The following HOMER2 variants were observed in gnomAD, a reference collection of about 807,000 sequenced individuals.
HOMER2 encodes the protein homer protein homolog 2.
Under a neutral mutation model 47.0 loss-of-function variants are expected in HOMER2, and 27 were observed. That is an observed-to-expected ratio of 0.57 (90% CI 0.42 to 0.79). HOMER2 has a LOEUF of 0.79. Ranked by LOEUF, HOMER2 falls within the 30% of genes least tolerant of loss-of-function variation. The pLI is 0.00. For synonymous variants in HOMER2, 161 were observed against 163.8 expected (o/e 0.98, Z 0.13); for missense variants, 443 against 435.0 (o/e 1.02, Z -0.16).
Position 82,952,575 on chromosome 15 carries a change from C to G in HOMER2, c.-40G>C. On this transcript the variant is annotated 5_prime_UTR_variant, in exon 1 of 9. Coordinates refer to ENST00000450735, the MANE Select transcript of HOMER2 (RefSeq NM_004839.4). ...CGGCGGCCGCTCCGACGGGGCCTCT[C>G]GCGCTCGCTCTCCGCCCGCTCGGCA... The G allele has an allele frequency of 1.7e-6, 2 of 1,161,400 alleles. No homozygotes were observed. The highest frequency in any genetic ancestry group is 2.1e-6 in the Non-Finnish European group (2 of 942,980). The allele number at this position is 1,161,400 out of a possible 1,614,324, so 71.9% of individuals were successfully genotyped here.
chr15:82,936,297 T>C (rs2054142084), intron 1 of HOMER2, among the ~76,000 whole-genome samples: 2 of 152,218 alleles, frequency 1.3e-5, no homozygotes, highest in South Asian at 4.1e-4. Flanking sequence ...TTTTTCCCTC[T>C]GGCACTAAGC....
chr15:82,982,903 T>C (rs1255329629), intron 1 of HOMER2, among the ~76,000 whole-genome samples: 1 of 152,230 alleles, frequency 6.6e-6, no homozygotes, highest in Non-Finnish European at 1.5e-5. Flanking sequence ...TCCTGAGGGA[T>C]AGGCCTTGGT....
chr15:82,894,158 A>C (rs1374647049), intron 1 of HOMER2, among the ~76,000 whole-genome samples: 1 of 152,110 alleles, frequency 6.6e-6, no homozygotes, highest in Non-Finnish European at 1.5e-5. Flanking sequence ...CGATTCACCA[A>C]ATTTGCATAT....
At chr15:82,943,979 G>T (rs766121154) in intron 1 of HOMER2, among the ~76,000 whole-genome samples, 16 of 151,614 alleles carry the variant, frequency 1.1e-4, no homozygotes, top group Non-Finnish European at 1.8e-4. Context: ...CAGGGGTGGG[G>T]ACTCTACCAT....
intron 4 of HOMER2, among the ~76,000 whole-genome samples, chr15:82,860,289 T>G (rs1451345264): frequency 6.6e-6 from 1 of 152,076 alleles, no homozygotes; most frequent in Non-Finnish European, 1.5e-5. Flanking sequence ...TGACAAGCTC[T>G]TAGAGTCCTC....
At chr15:82,911,108 G>A (rs1413039767) in intron 1 of HOMER2, among the ~76,000 whole-genome samples, 1 of 152,172 alleles carries the variant, frequency 6.6e-6, no homozygotes, top group Non-Finnish European at 1.5e-5. Flanking sequence ...CGCCACTGCA[G>A]GGAAGAGAAT....
intron 3 of HOMER2, among the ~76,000 whole-genome samples, chr15:82,868,930 G>A (rs542874506): frequency 2.6e-5 from 4 of 152,146 alleles, no homozygotes; most frequent in Admixed American, 1.3e-4. Flanking sequence ...ACGGAAGACT[G>A]GTTAATGGGC....
chr15:82,847,123 C>T (rs2051262703), downstream of HOMER2: 4 of 152,226 alleles, frequency 2.6e-5, no homozygotes, highest in Non-Finnish European at 4.4e-5. Flanking sequence ...GAGTGAATGG[C>T]TTACATTCTG....
chr15:82,845,812 T>C (rs923007437), downstream of HOMER2: 6 of 152,302 alleles, frequency 3.9e-5, no homozygotes, highest in African/African-American at 1.4e-4. Context: ...TCATCCAAAA[T>C]TGTCCCTGGT....
intron 6 of HOMER2, 111 bp downstream of exon 6, chr15:82,854,533 G>T: frequency 2.7e-6 from 3 of 1,123,866 alleles, no homozygotes; most frequent in Non-Finnish European, 3.8e-6. Flanking sequence ...TCTTCCTCTG[G>T]CCATGGGGAT....
In HOMER2 at chr15:82,864,394, T is replaced by A. The variant is rs1038781803; in HGVS notation, c.295-135A>T. Reference sequence around the variant, plus strand: ...AAATCCAGAAGAATTTTATTTGCTATTAAATGAATATAAGGATGTATATTC... The same window carrying A: ...AAATCCAGAAGAATTTTATTTGCTAATAAATGAATATAAGGATGTATATTC... On this transcript the variant is annotated intron_variant, in intron 3 of 8. Coordinates refer to ENST00000450735, the MANE Select transcript of HOMER2 (RefSeq NM_004839.4). 2.4e-5 allele frequency: 14 copies of A among 583,742 alleles called. No homozygotes were observed. The African/African-American group carries it at 2.6e-4, about 11-fold the overall frequency. The allele number at this position is 583,742 out of a possible 1,614,324, so 36.2% of individuals were successfully genotyped here.
At chr15:82,941,351 C>T (rs2054261216) in intron 1 of HOMER2, among the ~76,000 whole-genome samples, 2 of 144,472 alleles carry the variant, frequency 1.4e-5, no homozygotes, top group African/African-American at 5.1e-5. Context: ...GGCTGAGGCG[C>T]AAGAATCGCT....
At chr15:82,959,676 A>C (rs1236029907) in intron 1 of HOMER2, among the ~76,000 whole-genome samples, 4 of 152,202 alleles carry the variant, frequency 2.6e-5, no homozygotes, top group African/African-American at 9.7e-5. Flanking sequence ...GTGCCCAGGC[A>C]TCGGCAATCC....
At position 82,849,920 on chromosome 15, in the gene HOMER2, G is replaced by A. The variant is rs201705050; in HGVS notation, c.844-17C>T. The A allele has an allele frequency of 1.9e-6, 3 of 1,611,926 alleles. No individual in the cohort carries two copies. Among genetic ancestry groups the A allele is most frequent in the South Asian group, 2.2e-5 (2 of 90,912 alleles). Reference sequence around the variant, plus strand: ...CTCTGCCGCCTGGCCAAGCAAAAGGGAGAAGGGTCTAGAAAACTGAGTGAC... The same window carrying A: ...CTCTGCCGCCTGGCCAAGCAAAAGGAAGAAGGGTCTAGAAAACTGAGTGAC... On this transcript the variant is annotated splice_polypyrimidine_tract_variant and intron_variant, in intron 8 of 8. Transcript: ENST00000450735.
At chr15:82,920,270 C>T (rs2053694918) in intron 1 of HOMER2, among the ~76,000 whole-genome samples, 1 of 152,240 alleles carries the variant, frequency 6.6e-6, no homozygotes, top group South Asian at 2.1e-4. Context: ...AGTCCTTGCA[C>T]ATCAGGAATG....
intron 1 of HOMER2, among the ~76,000 whole-genome samples, chr15:82,894,782 C>A (rs1596329965): frequency 7.0e-6 from 1 of 142,392 alleles, no homozygotes; most frequent in South Asian, 2.2e-4. Context: ...TAAATCTTTA[C>A]AATGTCAAAA....
Position 82,949,586 on chromosome 15 carries a change from C to G in HOMER2, c.5+2945G>C, listed in dbSNP as rs148143335. Reference sequence around the variant, plus strand: ...TAGAGTATGGAGAGTGAACAAATGGCAGGAGAAAGTGAATGGAGCCAGTGG... The same window carrying G: ...TAGAGTATGGAGAGTGAACAAATGGGAGGAGAAAGTGAATGGAGCCAGTGG... On this transcript the variant is annotated intron_variant, in intron 1 of 8. Coordinates refer to ENST00000450735, the MANE Select transcript of HOMER2 (RefSeq NM_004839.4). Among the ~76,000 whole-genome samples the G allele has an allele frequency of 5.7e-4, 87 of 152,116 alleles. 1 individual carries two copies. In the East Asian group the frequency reaches 0.015, roughly 27 times the overall value.
chr15:82,933,553 C>A (rs550412404), intron 1 of HOMER2, among the ~76,000 whole-genome samples: 2 of 152,084 alleles, frequency 1.3e-5, no homozygotes, highest in East Asian at 3.9e-4. Context: ...AGCCAAGAAC[C>A]CCACCTTCTC....
exon 2 of HOMER2, chr15:82,838,570 G>C (rs1476547553): frequency 6.6e-6 from 1 of 152,364 alleles, no homozygotes; most frequent in South Asian, 2.1e-4. Context: ...GCTTCATGGA[G>C]ATTCCTACAG....
Sources: gnomAD v4.1 joint callset for allele counts (sites outside exome capture counted in the v4.1 genomes callset) on GRCh38, gnomAD v4.1.1 for gene constraint, MANE v1.5 for transcripts, NCBI Gene and HGNC (gene_info 2026-07-23, HGNC 2026-07-21) for gene names.